Variants in PRDM16 observed in about 807,000 individuals in gnomAD.
PRDM16 encodes the protein histone-lysine N-methyltransferase PRDM16.
Under a neutral mutation model 110.6 loss-of-function variants are expected in PRDM16, and 23 were observed. The ratio of observed to expected loss-of-function variants is 0.21; its 90% CI spans 0.15 to 0.29. PRDM16 has a LOEUF of 0.29. PRDM16 is among the 10% of genes least tolerant of loss of function. The pLI is 1.00. For missense variants in PRDM16, 1,615 were observed against 1,794.3 expected (o/e 0.90, Z 1.81); for synonymous variants, 799 against 781.8 (o/e 1.02, Z -0.37).
At chr1:3,235,087 C>T (rs1025409192) in intron 2 of PRDM16, among the ~76,000 whole-genome samples, 3 of 152,226 alleles carry the variant, frequency 2.0e-5, no homozygotes, top group East Asian at 3.9e-4. Flanking sequence ...TCCCTGGGAT[C>T]GGCTCCACTG....
rs1480020075 is a variant in PRDM16 at position 3,118,301 on chromosome 1, GC to G, written c.37+49007del. Reference sequence around the variant, plus strand: ...ACCTGCTCAGAGTGCAGAAAATGGAGCCATCCAGAAGGAAACAGCATGGAGC... The same window carrying G: ...ACCTGCTCAGAGTGCAGAAAATGGAGCATCCAGAAGGAAACAGCATGGAGC... On this transcript the variant is annotated intron_variant, in intron 1 of 16. Transcript: ENST00000270722. 7.9e-5 allele frequency among the ~76,000 whole-genome samples: 12 copies of G among 152,338 alleles called. No individual in the cohort carries two copies. In the South Asian group the frequency reaches 2.1e-3, roughly 26 times the overall value.
chr1:3,401,917 A>T (rs1424990601), intron 5 of PRDM16, among the ~76,000 whole-genome samples: 1 of 152,180 alleles, frequency 6.6e-6, no homozygotes, highest in Non-Finnish European at 1.5e-5. Context: ...GCAGAAACAC[A>T]TGCATCCTCA....
At chr1:3,295,105 C>G (rs527554743) in intron 3 of PRDM16, among the ~76,000 whole-genome samples, 2 of 152,326 alleles carry the variant, frequency 1.3e-5, no homozygotes, top group South Asian at 4.1e-4. Context: ...ACCTCTGCCT[C>G]CCAGGGCACC....
At chr1:3,223,631 C>T (rs1346522171) in intron 2 of PRDM16, among the ~76,000 whole-genome samples, 1 of 152,214 alleles carries the variant, frequency 6.6e-6, no homozygotes, top group Non-Finnish European at 1.5e-5. Context: ...CCTCTCAGGG[C>T]TGCAGGGGAA....
At chr1:3,380,260 A>G (rs1643079137) in intron 3 of PRDM16, among the ~76,000 whole-genome samples, 1 of 151,768 alleles carries the variant, frequency 6.6e-6, no homozygotes, top group Non-Finnish European at 1.5e-5. Flanking sequence ...GGCCCCCCTC[A>G]GAGGTGCCCC....
At chr1:3,181,841 T>TAC (rs1172840250) in intron 1 of PRDM16, among the ~76,000 whole-genome samples, 87 of 93,210 alleles carry the variant, frequency 9.3e-4, no homozygotes, top group Non-Finnish European at 1.3e-3. Context: ...CATTCAGTCT[T>TAC]ACACACGGTC....
At chr1:3,321,629 GTGTA>G (rs947560961) in intron 3 of PRDM16, among the ~76,000 whole-genome samples, 6 of 149,434 alleles carry the variant, frequency 4.0e-5, no homozygotes, top group African/African-American at 7.6e-5. Context: ...CCACACATAT[GTGTA>G]TGTATGTGTG....
rs1057087498 is a variant in PRDM16, at chr1:3,153,452, C to G, written c.38-32673C>G. ...CTAGACAGGACGGGCGGGCGGTTCC[C>G]CAGGAAGAGAAGCTCCCCACAGCGC... On this transcript the variant is annotated intron_variant, in intron 1 of 16. Coordinates refer to ENST00000270722, the MANE Select transcript of PRDM16 (RefSeq NM_022114.4). Among the ~76,000 whole-genome samples, 3 of 152,316 alleles carry G rather than the reference C, an allele frequency of 2.0e-5. No individual in the cohort carries two copies. The South Asian group carries it at 6.2e-4, about 32-fold the overall frequency.
chr1:3,112,310 A>G (rs1409867214), intron 1 of PRDM16, among the ~76,000 whole-genome samples: 1 of 152,228 alleles, frequency 6.6e-6, no homozygotes, highest in Non-Finnish European at 1.5e-5. Context: ...ATTCCCACTT[A>G]TACGAAATGA....
intron 3 of PRDM16, among the ~76,000 whole-genome samples, chr1:3,301,508 G>A (rs934842864): frequency 1.3e-5 from 2 of 152,210 alleles, no homozygotes; most frequent in African/African-American, 4.8e-5. Context: ...ACCCTTGGTT[G>A]TCTTTGTATT....
chr1:3,234,700 T>C lies in PRDM16; in HGVS notation c.388-9387T>C, dbSNP rs527837823. Among the ~76,000 whole-genome samples the C allele has an allele frequency of 1.1e-4, 16 of 152,290 alleles. 1 individual carries two copies. The South Asian group carries it at 2.9e-3, about 28-fold the overall frequency. On this transcript the variant is annotated intron_variant, in intron 2 of 16. Transcript: ENST00000270722. ...CTGGTTCCCAGGGGCCTGGCCCAGG[T>C]GAACATGACCATGTAGCAGCTCGGT...
chr1:3,114,669 C>T (rs1424954901), intron 1 of PRDM16, among the ~76,000 whole-genome samples: 1 of 151,044 alleles, frequency 6.6e-6, no homozygotes, highest in African/African-American at 2.4e-5. Context: ...CACACAAACA[C>T]ACATGCACAC....
intron 1 of PRDM16, among the ~76,000 whole-genome samples, chr1:3,111,660 C>G (rs900386889): frequency 2.0e-5 from 3 of 152,030 alleles, no homozygotes; most frequent in African/African-American, 7.2e-5. Flanking sequence ...CCCCCTGGGG[C>G]GGGGGCGCAG....
rs571387317 is a variant in PRDM16, at chr1:3,382,480, A to T, written c.439-2672A>T. Among the ~76,000 whole-genome samples the T allele has an allele frequency of 7.2e-5, 11 of 152,188 alleles. No homozygotes were observed. Among genetic ancestry groups the T allele is most frequent in the Non-Finnish European group, 1.6e-4 (11 of 68,022 alleles). ...CACAGCTGTGTCTGCAGAAGCTGGT[A>T]ACACAGAGGCTGTCTCCCTGGGAAC... On this transcript the variant is annotated intron_variant, in intron 3 of 16. Coordinates refer to ENST00000270722, the MANE Select transcript of PRDM16 (RefSeq NM_022114.4). The surrounding 1 kb of genome is among the most constrained non-coding windows in gnomAD (Gnocchi z 6.6).
chr1:3,421,969 C>G (rs1411178709), intron 12 of PRDM16, among the ~76,000 whole-genome samples: 1 of 149,366 alleles, frequency 6.7e-6, no homozygotes, highest in Admixed American at 6.6e-5. Flanking sequence ...GGAAGACAGA[C>G]AGGCAGGCGG....
chr1:3,433,082 G>T (rs11583519), intron 16 of PRDM16, among the ~76,000 whole-genome samples: 11 of 152,216 alleles, frequency 7.2e-5, no homozygotes, highest in Admixed American at 2.0e-4. Flanking sequence ...AACCAGACAC[G>T]TGTCTGTAGT....
rs146247174 is a variant in PRDM16 at position 3,349,303 on chromosome 1, C to T, written c.439-35849C>T. Among the ~76,000 whole-genome samples the T allele has an allele frequency of 2.9e-3, 443 of 152,222 alleles. 1 individual carries two copies. The highest frequency in any genetic ancestry group is 7.2e-3 in the Admixed American group (110 of 15,292). On this transcript the variant is annotated intron_variant, in intron 3 of 16. Transcript: ENST00000270722. ...GTCAGGGAGGAGGTGTGGACGGGGC[C>T]GCACCGGCACGCTGTGAGTGATAAA...
intron 3 of PRDM16, among the ~76,000 whole-genome samples, chr1:3,369,500 C>T (rs923505783): frequency 6.6e-6 from 1 of 151,432 alleles, no homozygotes; most frequent in African/African-American, 2.5e-5. Flanking sequence ...CCAGCATCTC[C>T]GTTCTTCCAC....
chr1:3,414,032 C>G (rs978719479), intron 9 of PRDM16, among the ~76,000 whole-genome samples: 4 of 152,204 alleles, frequency 2.6e-5, no homozygotes, highest in Non-Finnish European at 5.9e-5. Flanking sequence ...ACGGGCAGCA[C>G]ACCCCGTGCC....
Sources: gnomAD v4.1 joint callset for allele counts (sites outside exome capture counted in the v4.1 genomes callset) on GRCh38, gnomAD v4.1.1 for gene constraint, Gnocchi (gnomAD v3.1) non-coding constraint, MANE v1.5 for transcripts, NCBI Gene and HGNC (gene_info 2026-07-23, HGNC 2026-07-21) for gene names.